CA10: variants seen among roughly 807,000 people sequenced by gnomAD.
The protein encoded by CA10 is carbonic anhydrase 10 (inactive).
CA10 carries 14 observed loss-of-function variants against 44.2 expected under a neutral mutation model. That is an observed-to-expected ratio of 0.32 (90% CI 0.21 to 0.50). The LOEUF is 0.50. Ranked by LOEUF, CA10 falls within the 20% of genes least tolerant of loss-of-function variation. The pLI, the probability that CA10 is intolerant of heterozygous loss-of-function variation, is 0.99. For synonymous variants in CA10, 159 were observed against 141.6 expected, an observed-to-expected ratio of 1.12 and a Z score of -0.87; for missense variants, 350 against 409.7, an observed-to-expected ratio of 0.85 and a Z score of 1.26.
At chr17:52,073,337 C>T (rs1306591118) in intron 1 of CA10, among the ~76,000 whole-genome samples, 2 of 152,028 alleles carry the variant, frequency 1.3e-5, no homozygotes, top group African/African-American at 2.4e-5. Flanking sequence ...GAATGCAAGG[C>T]TTTGTATAGA....
intron 2 of CA10, among the ~76,000 whole-genome samples, chr17:51,965,316 T>A (rs1369674934): frequency 1.3e-5 from 2 of 151,836 alleles, no homozygotes; most frequent in Non-Finnish European, 2.9e-5. Context: ...AAAGCTAGTA[T>A]CAATTTTACT....
chr17:52,146,877 C>T (rs751605271), intron 1 of CA10, among the ~76,000 whole-genome samples: 2 of 152,098 alleles, frequency 1.3e-5, no homozygotes, highest in African/African-American at 2.4e-5. Context: ...TAGCACAGCC[C>T]CCATCAACCT....
At chr17:51,988,161 A>T (rs542630193) in intron 2 of CA10, among the ~76,000 whole-genome samples, 1 of 152,146 alleles carries the variant, frequency 6.6e-6, no homozygotes, top group East Asian at 1.9e-4. Flanking sequence ...TTGAACTTGG[A>T]TTAGTTGTAA....
chr17:51,755,235 A>G (rs1905042229), intron 3 of CA10, among the ~76,000 whole-genome samples: 1 of 152,168 alleles, frequency 6.6e-6, no homozygotes, highest in African/African-American at 2.4e-5. Flanking sequence ...TAAATCCCCT[A>G]TTGTTTTGGG....
chr17:51,645,782 T>C (rs545812212), intron 6 of CA10, among the ~76,000 whole-genome samples: 1 of 152,340 alleles, frequency 6.6e-6, no homozygotes, highest in African/African-American at 2.4e-5. Flanking sequence ...TTTGGATACT[T>C]GCTCTTCTAC....
At chr17:52,024,892 A>G (rs867582915) in intron 2 of CA10, among the ~76,000 whole-genome samples, 9 of 151,892 alleles carry the variant, frequency 5.9e-5, no homozygotes, top group African/African-American at 1.9e-4. Context: ...GATTGTGATG[A>G]TGGTCATAAA....
chr17:51,876,388 G>A (rs1328811171), intron 3 of CA10, among the ~76,000 whole-genome samples: 1 of 124,622 alleles, frequency 8.0e-6, no homozygotes, highest in Non-Finnish European at 1.6e-5. Context: ...TCTCTATGTT[G>A]CCCAGGCTGG....
intron 3 of CA10, among the ~76,000 whole-genome samples, chr17:51,810,414 G>A (rs960976098): frequency 6.6e-6 from 1 of 152,162 alleles, no homozygotes; most frequent in Non-Finnish European, 1.5e-5. Flanking sequence ...AAGGCTTCCT[G>A]CAGAAGGTGG....
At chr17:52,134,946 G>A (rs749651840) in intron 1 of CA10, 9 of 519,058 alleles carry the variant, frequency 1.7e-5, no homozygotes, top group Non-Finnish European at 3.1e-5. Context: ...AACGGCTCCT[G>A]ATGCTGGCCA....
At chr17:51,878,538 GCAGA>G (rs1389065690) in intron 3 of CA10, among the ~76,000 whole-genome samples, 11 of 151,840 alleles carry the variant, frequency 7.2e-5, no homozygotes, top group Admixed American at 6.6e-4. Context: ...GATCTAACTG[GCAGA>G]CAGACCTGAG....
At chr17:52,055,332 T>C (rs1016912523) in intron 2 of CA10, among the ~76,000 whole-genome samples, 1 of 129,920 alleles carries the variant, frequency 7.7e-6, no homozygotes, top group African/African-American at 2.9e-5. Context: ...TCATCACTCA[T>C]ATATCCTTCT....
At chr17:51,921,696 G>A (rs1254637545) in intron 3 of CA10, among the ~76,000 whole-genome samples, 2 of 152,094 alleles carry the variant, frequency 1.3e-5, no homozygotes, top group Non-Finnish European at 2.9e-5. Context: ...AGAACCTCAG[G>A]TACTGTGTAA....
intron 3 of CA10, among the ~76,000 whole-genome samples, chr17:51,817,701 T>G (rs910807686): frequency 2.0e-5 from 3 of 152,158 alleles, no homozygotes; most frequent in African/African-American, 7.2e-5. Context: ...CTAGAAGGCA[T>G]GCATGGGGCA....
chr17:51,981,641 C>A (rs1984657533), intron 2 of CA10, among the ~76,000 whole-genome samples: 1 of 151,990 alleles, frequency 6.6e-6, no homozygotes, highest in African/African-American at 2.4e-5. Context: ...ACAGCTATGG[C>A]ATATGCATTT....
At chr17:51,797,176 G>C (rs2143708529) in intron 3 of CA10, among the ~76,000 whole-genome samples, 1 of 152,286 alleles carries the variant, frequency 6.6e-6, no homozygotes, top group East Asian at 1.9e-4. Context: ...CCAGCGGTTG[G>C]TGGATGACAC....
chr17:51,660,719 G>A (rs1314428492), intron 4 of CA10, among the ~76,000 whole-genome samples: 1 of 152,162 alleles, frequency 6.6e-6, no homozygotes, highest in Non-Finnish European at 1.5e-5. Context: ...CGTTCACAGT[G>A]ACAATGCTAT....
chr17:51,810,859 C>A (rs1907333504), intron 3 of CA10, among the ~76,000 whole-genome samples: 1 of 152,142 alleles, frequency 6.6e-6, no homozygotes, highest in South Asian at 2.1e-4. Flanking sequence ...CCAACCACAC[C>A]AGACAAGGCC....
intron 3 of CA10, among the ~76,000 whole-genome samples, chr17:51,807,908 A>T (rs1400484691): frequency 6.6e-6 from 1 of 152,208 alleles, no homozygotes; most frequent in Non-Finnish European, 1.5e-5. Context: ...CTGTGTCTGG[A>T]TCTGGTGGAG....
At chr17:51,776,832 T>C (rs960726442) in intron 3 of CA10, among the ~76,000 whole-genome samples, 3 of 152,182 alleles carry the variant, frequency 2.0e-5, no homozygotes, top group Admixed American at 6.5e-5. Flanking sequence ...GACAATTCAG[T>C]CCTGGAGAAT....
Sources: gnomAD v4.1 joint callset for allele counts (sites outside exome capture counted in the v4.1 genomes callset) on GRCh38, gnomAD v4.1.1 for gene constraint, MANE v1.5 for transcripts, NCBI Gene and HGNC (gene_info 2026-07-23, HGNC 2026-07-21) for gene names.